XIRP2: variants seen among roughly 807,000 people sequenced by gnomAD.
XIRP2 encodes xin actin-binding repeat-containing protein 2.
A neutral mutation model predicts 277.0 loss-of-function variants in XIRP2; 236 were observed. The ratio of observed to expected loss-of-function variants is 0.85; its 90% CI spans 0.77 to 0.95. The LOEUF is 0.95. XIRP2 is among the 40% of genes least tolerant of loss of function. The probability of loss-of-function intolerance (pLI) is 0.00; values close to 1 mark genes in which losing one functional copy is unlikely to be tolerated. For missense variants in XIRP2, 4,640 were observed against 4,157.5 expected (o/e 1.12, Z -3.19); for synonymous variants, 1,490 against 1,416.5 (o/e 1.05, Z -1.17).
At chr2:167,013,306 G>A (rs1324266792) in intron 2 of XIRP2, among the ~76,000 whole-genome samples, 1 of 151,152 alleles carries the variant, frequency 6.6e-6, no homozygotes, top group East Asian at 2.0e-4. Context: ...TAAAATTATG[G>A]TATATTATTT....
chr2:166,957,502 C>G (rs756203204), intron 2 of XIRP2, among the ~76,000 whole-genome samples: 1 of 151,366 alleles, frequency 6.6e-6, no homozygotes, highest in Non-Finnish European at 1.5e-5. Flanking sequence ...GGCTTAATAC[C>G]AATAATTATC....
intron 2 of XIRP2, among the ~76,000 whole-genome samples, chr2:166,910,535 C>G (rs1428297221): frequency 1.3e-5 from 2 of 152,008 alleles, no homozygotes. Flanking sequence ...GATGGTCTAT[C>G]AATTTTGTCG....
intron 2 of XIRP2, among the ~76,000 whole-genome samples, chr2:167,033,340 A>T (rs539983101): frequency 6.6e-6 from 1 of 152,122 alleles, no homozygotes; most frequent in Non-Finnish European, 1.5e-5. Context: ...CCTAATGTAG[A>T]TGAGGGGTTA....
At chr2:167,160,481 T>C (rs922651712) in intron 3 of XIRP2, among the ~76,000 whole-genome samples, 6 of 152,142 alleles carry the variant, frequency 3.9e-5, no homozygotes, top group African/African-American at 1.4e-4. Context: ...TACAGTCCCA[T>C]GTGGTGGGGG....
intron 2 of XIRP2, among the ~76,000 whole-genome samples, chr2:167,089,709 G>A (rs971023467): frequency 3.3e-5 from 5 of 152,054 alleles, no homozygotes; most frequent in Admixed American, 1.3e-4. Flanking sequence ...GCTGCATTAC[G>A]TGACACAGAA....
At chr2:167,184,960 ATCTG>A (rs1431122687) in intron 3 of XIRP2, among the ~76,000 whole-genome samples, 3 of 152,102 alleles carry the variant, frequency 2.0e-5, no homozygotes, top group African/African-American at 4.8e-5. Context: ...CTGCCTTTAT[ATCTG>A]TCTGTCTGTC....
At chr2:167,107,135 G>A (rs1429107659) in intron 2 of XIRP2, among the ~76,000 whole-genome samples, 2 of 151,690 alleles carry the variant, frequency 1.3e-5, no homozygotes, top group Non-Finnish European at 3.0e-5. Flanking sequence ...CAAGTCATCT[G>A]CAAATAGGCA....
intron 2 of XIRP2, among the ~76,000 whole-genome samples, chr2:167,059,890 AT>A (rs1307540732): frequency 6.6e-6 from 1 of 152,234 alleles, no homozygotes; most frequent in East Asian, 1.9e-4. Context: ...AGTGAGGTGT[AT>A]CCACATGAAT....
In XIRP2 at chr2:166,952,836, C is replaced by A. The variant is rs115387692; in HGVS notation, c.408+48946C>A. Among the ~76,000 whole-genome samples, 201 of 151,848 alleles carry A rather than the reference C, an allele frequency of 1.3e-3. 3 individuals are homozygous for A. Among genetic ancestry groups the A allele is most frequent in the African/African-American group, 4.7e-3 (193 of 41,454 alleles). On this transcript the variant is annotated intron_variant, in intron 2 of 10. Coordinates refer to ENST00000409195, the MANE Select transcript of XIRP2 (RefSeq NM_152381.6). ...TAAAGAAGGACTGTAATTTTATATT[C>A]TCAACTATCTTCATGGCCAGTGTAG...
At position 167,247,486 on chromosome 2, in the gene XIRP2, C is replaced by A. The variant is rs547585778; in HGVS notation, c.6094C>A (p.Arg2032Ser). ...PKGTVKIVID[R>S]EQNNDALEKS... The stretch of plus-strand genomic sequence containing the variant: ...AGGCACTGTAAAGATTGTCATAGAT[C>A]GTGAACAAAACAATGATGCTCTGGA... Residue 2032 changes from arginine (R) to serine (S), a missense_variant, in exon 9 of 11, where the codon CGT becomes AGT. Coordinates refer to ENST00000409195, the MANE Select transcript of XIRP2 (RefSeq NM_152381.6). 9.9e-6 allele frequency: 16 copies of A among 1,613,538 alleles called. No homozygotes were observed. The Admixed American group carries it at 1.5e-4, about 15-fold the overall frequency.
intron 3 of XIRP2, among the ~76,000 whole-genome samples, chr2:167,146,497 T>A (rs748803941): frequency 6.9e-5 from 10 of 144,492 alleles, no homozygotes; most frequent in East Asian, 4.0e-4. Context: ...CAAGACTCTG[T>A]CTCAAAAAAA....
chr2:167,076,482 T>A (rs1323970914), intron 2 of XIRP2, among the ~76,000 whole-genome samples: 1 of 152,162 alleles, frequency 6.6e-6, no homozygotes, highest in Non-Finnish European at 1.5e-5. Context: ...ACTTGCAAAA[T>A]GATTCAAGAA....
chr2:167,087,364 T>C (rs942626679), intron 2 of XIRP2, among the ~76,000 whole-genome samples: 3 of 151,482 alleles, frequency 2.0e-5, no homozygotes, highest in Non-Finnish European at 2.9e-5. Context: ...GACAGGGACA[T>C]TTAAGTCTGC....
At chr2:167,016,651 A>G (rs1687833803) in intron 2 of XIRP2, among the ~76,000 whole-genome samples, 1 of 152,000 alleles carries the variant, frequency 6.6e-6, no homozygotes, top group South Asian at 2.1e-4. Flanking sequence ...AGGTAGAATC[A>G]AACGAAAAGA....
rs763971750 is a variant in XIRP2 at position 167,243,675 on chromosome 2, C to T, written c.2283C>T (p.Asp761=). ...MLEIKTVHRE[D]VEKGDVRTAR... Reference sequence around the variant, plus strand: ...AAATTAAAACTGTTCACAGAGAAGACGTTGAAAAGGGAGATGTAAGAACAG... The same window carrying T: ...AAATTAAAACTGTTCACAGAGAAGATGTTGAAAAGGGAGATGTAAGAACAG... The change falls in exon 9 of 11, where the codon GAC becomes GAT. Residue 761 remains aspartate, a synonymous_variant. Coordinates refer to ENST00000409195, the MANE Select transcript of XIRP2 (RefSeq NM_152381.6). 24 of 1,613,808 alleles carry T rather than the reference C, an allele frequency of 1.5e-5. 1 individual carries two copies. Among genetic ancestry groups the T allele is most frequent in the Non-Finnish European group, 1.9e-5 (23 of 1,179,894 alleles).
intron 2 of XIRP2, among the ~76,000 whole-genome samples, chr2:166,999,759 T>A (rs1687316371): frequency 6.6e-6 from 1 of 152,150 alleles, no homozygotes; most frequent in African/African-American, 2.4e-5. Context: ...ATAATTAACT[T>A]GTCAACAACA....
chr2:167,072,054 G>A (rs1689450878), intron 2 of XIRP2, among the ~76,000 whole-genome samples: 1 of 152,028 alleles, frequency 6.6e-6, no homozygotes, highest in African/African-American at 2.4e-5. Flanking sequence ...TAAAAATAAT[G>A]ATCATTTAAT....
intron 1 of XIRP2, among the ~76,000 whole-genome samples, chr2:166,893,662 A>G (rs1021900417): frequency 6.6e-6 from 1 of 152,130 alleles, no homozygotes; most frequent in African/African-American, 2.4e-5. Context: ...CTTCTATTAA[A>G]TTATTATTTC....
chr2:166,995,823 G>T (rs1325724857), intron 2 of XIRP2, among the ~76,000 whole-genome samples: 1 of 152,260 alleles, frequency 6.6e-6, no homozygotes, highest in East Asian at 1.9e-4. Flanking sequence ...GAAGAGAATT[G>T]TGTTAGCCCT....
Sources: gnomAD v4.1 joint callset for allele counts (sites outside exome capture counted in the v4.1 genomes callset) on GRCh38, gnomAD v4.1.1 for gene constraint, MANE v1.5 for transcripts, NCBI Gene and HGNC (gene_info 2026-07-23, HGNC 2026-07-21) for gene names.